BBS12: variants seen among roughly 807,000 people sequenced by gnomAD.
The protein encoded by BBS12 is chaperonin-containing T-complex member BBS12.
Under a neutral mutation model 5.6 loss-of-function variants are expected in BBS12, and 5 were observed. The ratio of observed to expected loss-of-function variants is 0.89; its 90% confidence interval spans 0.46 to 1.86. BBS12 has a LOEUF of 1.86. Among genes scored for constraint, BBS12 ranks in the 40% most tolerant of loss-of-function variants. The pLI is 0.01. For synonymous variants in BBS12, 308 were observed against 306.8 expected (o/e 1.00, Z -0.04); for missense variants, 748 against 830.4 (o/e 0.90, Z 1.22).
At chr4:122,723,401 A>C in the BBS12 span, among the ~76,000 whole-genome samples, 1 of 152,214 alleles carries the variant, frequency 6.6e-6, no homozygotes, top group Non-Finnish European at 1.5e-5. Context: ...TTTCAGATTC[A>C]ATTTCTTAAA....
the BBS12 span, among the ~76,000 whole-genome samples, chr4:122,704,664 C>A: frequency 2.6e-5 from 4 of 152,148 alleles, no homozygotes; most frequent in Non-Finnish European, 1.5e-5. Flanking sequence ...GCCACTAATT[C>A]TTCTCTCTCA....
Position 122,734,537 on chromosome 4 carries a change from A to G in BBS12, c.-11+1653A>G, listed in dbSNP as rs541522870. Among the ~76,000 whole-genome samples, 175 of 152,298 alleles carry G rather than the reference A, an allele frequency of 1.1e-3. 2 individuals are homozygous for G. The highest frequency in any genetic ancestry group is 2.0e-3 in the Non-Finnish European group (134 of 68,028). ...CGCCTCGGCCTCTCAAAGTGCTGGGATTACAGGCGTGAGCAACTGCGCCCG... is the reference window on the plus strand; with the variant it reads ...CGCCTCGGCCTCTCAAAGTGCTGGGGTTACAGGCGTGAGCAACTGCGCCCG... On this transcript the variant is annotated intron_variant, in intron 1 of 1. Transcript: ENST00000314218.
chr4:122,735,725 A>G (rs1220000405), intron 1 of BBS12, among the ~76,000 whole-genome samples: 6 of 152,210 alleles, frequency 3.9e-5, no homozygotes, highest in African/African-American at 7.2e-5. Flanking sequence ...GTGTCAGGCA[A>G]TATTGTAGGT....
chr4:122,734,108 A>G (rs1800748095), intron 1 of BBS12: 3 of 152,138 alleles, frequency 2.0e-5, no homozygotes, highest in South Asian at 2.1e-4. Flanking sequence ...TTATCCTCAT[A>G]TTGCAGGTGA....
chr4:122,728,581 T>C (rs762949001), upstream of BBS12: 3 of 152,214 alleles, frequency 2.0e-5, no homozygotes, highest in Non-Finnish European at 2.9e-5. Flanking sequence ...TGTATACTTT[T>C]AACCATTTGA....
chr4:122,725,071 C>T, the BBS12 span, among the ~76,000 whole-genome samples: 1 of 151,960 alleles, frequency 6.6e-6, no homozygotes, highest in Non-Finnish European at 1.5e-5. Flanking sequence ...TGTTAAAAGA[C>T]AAAGCATTGC....
chr4:122,743,094 T>TA lies in BBS12; in HGVS notation c.1203dup (p.Gln402ThrfsTer23). ...GAAGAACTGTGGGCAAATCACGTGT[T>TA]ACAGGTGTTAATCCAGTTCAAGGTG... is the stretch of plus-strand genomic sequence containing the variant. On this transcript the variant is annotated frameshift_variant, in exon 2 of 2. Transcript: ENST00000314218. LOFTEE classifies it low-confidence loss of function (END_TRUNC). 6.2e-7 allele frequency: 1 copy of TA among 1,614,242 alleles called. No homozygotes were observed. Among genetic ancestry groups the TA allele is most frequent in the Non-Finnish European group, 8.5e-7 (1 of 1,180,046 alleles).
the BBS12 span, among the ~76,000 whole-genome samples, chr4:122,709,515 C>T: frequency 6.6e-6 from 1 of 152,116 alleles, no homozygotes; most frequent in African/African-American, 2.4e-5. Context: ...TTTATGATGA[C>T]ATGGATTCTA....
chr4:122,726,391 A>G, the BBS12 span, among the ~76,000 whole-genome samples: 3 of 152,208 alleles, frequency 2.0e-5, no homozygotes, highest in Non-Finnish European at 4.4e-5. Context: ...TTACTCCTGC[A>G]ACAATGACCA....
the BBS12 span, among the ~76,000 whole-genome samples, chr4:122,715,953 G>C: frequency 6.6e-6 from 1 of 152,180 alleles, no homozygotes; most frequent in Non-Finnish European, 1.5e-5. Context: ...AAGAAAAAAA[G>C]TGTTTCAATG....
At position 122,741,380 on chromosome 4, in the gene BBS12, T is replaced by G. The variant is rs773088116; in HGVS notation, c.-10-503T>G. ...TTTTGTATTTTTAGTAGAGACGAGG[T>G]TTCGCCATATTGGCCAGGCTGGTCT... is the stretch of plus-strand genomic sequence containing the variant. On this transcript the variant is annotated intron_variant, in intron 1 of 1. Coordinates refer to ENST00000314218, the MANE Select transcript of BBS12 (RefSeq NM_152618.3). 4.4e-4 allele frequency among the ~76,000 whole-genome samples: 67 copies of G among 152,296 alleles called. 1 individual carries two copies. In the Middle Eastern group the frequency reaches 0.014, roughly 31 times the overall value.
rs144855583 is a variant in BBS12, at chr4:122,743,398, C to T, written c.1506C>T (p.Ala502=). ...CAGAAGGAATTAATTTGGTTACGGCCGTGCTCACTAACCCAGTTACTGCAC... is the reference window on the plus strand; with the variant it reads ...CAGAAGGAATTAATTTGGTTACGGCTGTGCTCACTAACCCAGTTACTGCAC... ...LKTEGINLVT[A]VLTNPVTAQM... Residue 502 remains alanine (A), a synonymous_variant, in exon 2 of 2, where the codon GCC becomes GCT. Transcript: ENST00000314218. The T allele has an allele frequency of 1.3e-4, 214 of 1,614,144 alleles. 3 individuals carry two copies. The Middle Eastern group carries it at 2.1e-3, about 16-fold the overall frequency.
the BBS12 span, among the ~76,000 whole-genome samples, chr4:122,714,491 C>T: frequency 1.3e-4 from 15 of 114,356 alleles, no homozygotes; most frequent in African/African-American, 6.9e-4. Context: ...AATACAATTA[C>T]AGAAACTGCC....
chr4:122,709,098 TATA>T, the BBS12 span, among the ~76,000 whole-genome samples: 3,860 of 152,164 alleles, frequency 0.025, 78 homozygotes, highest in African/African-American at 0.051. Flanking sequence ...CTAATATACA[TATA>T]ATAATCAACA....
chr4:122,727,292 T>C, the BBS12 span, among the ~76,000 whole-genome samples: 1 of 152,152 alleles, frequency 6.6e-6, no homozygotes. Flanking sequence ...TCACCCAGGC[T>C]GGAGTGCAGT....
chr4:122,703,810 A>C, the BBS12 span, among the ~76,000 whole-genome samples: 1 of 152,206 alleles, frequency 6.6e-6, no homozygotes, highest in African/African-American at 2.4e-5. Context: ...TGAGTCTTTT[A>C]TTTTTAATTA....
the BBS12 span, among the ~76,000 whole-genome samples, chr4:122,724,465 T>C: frequency 1.3e-5 from 2 of 152,224 alleles, no homozygotes; most frequent in African/African-American, 4.8e-5. Flanking sequence ...TTCTGTGATC[T>C]TTGACTAAAA....
chr4:122,718,642 T>C, the BBS12 span, among the ~76,000 whole-genome samples: 1 of 151,782 alleles, frequency 6.6e-6, no homozygotes, highest in African/African-American at 2.4e-5. Flanking sequence ...GAGAAATAGA[T>C]TGGAATCTGG....
chr4:122,738,463 GC>G (rs1481052787), intron 1 of BBS12, among the ~76,000 whole-genome samples: 1 of 152,136 alleles, frequency 6.6e-6, no homozygotes, highest in Non-Finnish European at 1.5e-5. Flanking sequence ...GCCCACCTTG[GC>G]CTCCCAAAGT....
Sources: gnomAD v4.1 joint callset for allele counts (sites outside exome capture counted in the v4.1 genomes callset) on GRCh38, gnomAD v4.1.1 for gene constraint, MANE v1.5 for transcripts, NCBI Gene and HGNC (gene_info 2026-07-23, HGNC 2026-07-21) for gene names.